The following MPP7 variants were observed in gnomAD, a reference collection of about 807,000 sequenced individuals.
MPP7 encodes MAGUK p55 scaffold protein 7, also known as MAGUK p55 subfamily member 7.
A neutral mutation model predicts 76.5 loss-of-function variants in MPP7; 60 were observed. The ratio of observed to expected loss-of-function variants is 0.78; its 90% confidence interval spans 0.64 to 0.97. The LOEUF (loss-of-function observed/expected upper bound fraction) is 0.97. Ranked by LOEUF, MPP7 falls within the 50% of genes least tolerant of loss-of-function variation. MPP7 has a pLI of 0.00. For missense variants in MPP7, 641 were observed against 694.0 expected, an observed-to-expected ratio of 0.92 and a Z score of 0.86; for synonymous variants, 237 against 244.5, an observed-to-expected ratio of 0.97 and a Z score of 0.29.
intron 3 of MPP7, among the ~76,000 whole-genome samples, chr10:28,159,017 CT>C (rs966417153): frequency 6.6e-6 from 1 of 152,164 alleles, no homozygotes; most frequent in African/African-American, 2.4e-5. Context: ...TCCCCTACCC[CT>C]GGCTGACACT....
In MPP7 at chr10:28,091,582, C is replaced by T. The variant is rs911268055; in HGVS notation, c.953-1741G>A. Among the ~76,000 whole-genome samples, 25 of 152,272 alleles carry T rather than the reference C, an allele frequency of 1.6e-4. No individual in the cohort carries two copies. In the East Asian group the frequency reaches 2.7e-3, roughly 16 times the overall value. On this transcript the variant is annotated intron_variant, in intron 11 of 16. Coordinates refer to ENST00000683449, the MANE Select transcript of MPP7 (RefSeq NM_001318170.2). ...GGATTACAGGCGTGAGCCACCATGA[C>T]CAGCCATAGATATCTTTTTTATAAA...
At position 28,217,425 on chromosome 10, in the gene MPP7, G is replaced by A. The variant is rs768641945; in HGVS notation, c.38-15154C>T. 1.1e-3 allele frequency among the ~76,000 whole-genome samples: 161 copies of A among 151,614 alleles called. 1 individual carries two copies. The highest frequency in any genetic ancestry group is 6.5e-4 in the Non-Finnish European group (44 of 67,928). On this transcript the variant is annotated intron_variant, in intron 2 of 16. Transcript: ENST00000683449. Reference sequence around the variant, plus strand: ...GTCTGTAATCCCAGCTACTCAGGAGGCTGAGGCACGAGAATCGCTTGAACC... The same window carrying A: ...GTCTGTAATCCCAGCTACTCAGGAGACTGAGGCACGAGAATCGCTTGAACC...
chr10:28,177,260 C>CAAAAAAAAAAA (rs57984876), intron 3 of MPP7, among the ~76,000 whole-genome samples: 5 of 104,156 alleles, frequency 4.8e-5, no homozygotes, highest in Admixed American at 3.2e-4. Flanking sequence ...ACTAAAAATG[C>CAAAAAAAAAAA]AAAAAAAAAA....
chr10:28,169,875 T>A (rs1836620896), intron 3 of MPP7, among the ~76,000 whole-genome samples: 1 of 152,210 alleles, frequency 6.6e-6, no homozygotes, highest in African/African-American at 2.4e-5. Context: ...CACCTGTGAA[T>A]GACAGTTTTG....
chr10:28,058,818 T>G (rs1473479462), intron 14 of MPP7, among the ~76,000 whole-genome samples: 1 of 152,206 alleles, frequency 6.6e-6, no homozygotes, highest in East Asian at 1.9e-4. Flanking sequence ...TAAATTACAC[T>G]TAAGCAGAAA....
At chr10:28,231,683 G>C (rs915757612) in intron 2 of MPP7, among the ~76,000 whole-genome samples, 2 of 152,030 alleles carry the variant, frequency 1.3e-5, no homozygotes, top group African/African-American at 4.8e-5. Flanking sequence ...ATTGACTCAA[G>C]AAGAAACAGA....
Position 28,202,267 on chromosome 10 carries a change from C to T in MPP7, c.42G>A (p.Leu14=). 1 of 1,605,514 alleles carries T rather than the reference C, an allele frequency of 6.2e-7. No individual in the cohort carries two copies. Among genetic ancestry groups the T allele is most frequent in the Non-Finnish European group, 8.5e-7 (1 of 1,173,610 alleles). ...LSTGSGSDTG[L]YELLAALPAQ... is the part of the protein sequence containing the mutation. ...CTGGCAGAGCAGCCAACAGCTCATA[C>T]AGACCTATAAAATGAAAATAAAACA... The change falls in exon 3 of 17, where the codon CTG becomes CTA. Residue 14 remains leucine (L), a synonymous_variant. Transcript: ENST00000683449.
rs1014676481 is a variant in MPP7, at chr10:28,051,995, C to T, written c.*2070G>A. 3 of 148,218 alleles carry T rather than the reference C, an allele frequency of 2.0e-5. No homozygotes were observed. Among genetic ancestry groups the T allele is most frequent in the Admixed American group, 2.0e-4 (3 of 14,934 alleles). The allele number at this position is 148,218 out of a possible 1,614,324, so 9.2% of individuals were successfully genotyped here. On this transcript the variant is annotated 3_prime_UTR_variant, in exon 17 of 17. Coordinates refer to ENST00000683449, the MANE Select transcript of MPP7 (RefSeq NM_001318170.2). ...CTAGCTCTGCGCTTAAGGTCTGGAC[C>T]TTTCTTTTTTAAAATGTTATATTTT...
Position 28,120,390 on chromosome 10 carries a change from T to C in MPP7, c.691A>G (p.Met231Val), listed in dbSNP as rs1466440047. The change falls in exon 10 of 17, where the codon ATG (methionine) becomes GTG (valine). Residue 231 changes from methionine (M) to valine (V), a missense_variant and splice_region_variant. Physicochemically the swap from Met to Val is conservative, Grantham distance 21. Coordinates refer to ENST00000683449, the MANE Select transcript of MPP7 (RefSeq NM_001318170.2). The stretch of plus-strand genomic sequence containing the variant: ...TAGTCAAAGAGGGCTTTGATAAACA[T>C]CTGGAAGAAAAGTTTCATTAAAGAT... Reference protein sequence around the residue: ...KEETPSKEGKMFIKALFDYNP... With the variant: ...KEETPSKEGKVFIKALFDYNP... The C allele has an allele frequency of 7.5e-6, 12 of 1,605,696 alleles. No individual in the cohort carries two copies. In the Admixed American group the frequency reaches 1.9e-4, roughly 25 times the overall value.
intron 11 of MPP7, among the ~76,000 whole-genome samples, chr10:28,103,505 CT>C (rs1853932208): frequency 6.6e-6 from 1 of 152,148 alleles, no homozygotes; most frequent in African/African-American, 2.4e-5. Context: ...TCAAGGAGGC[CT>C]TCTTTGACCA....
intron 3 of MPP7, among the ~76,000 whole-genome samples, chr10:28,184,112 GAC>G (rs1837146909): frequency 6.7e-6 from 1 of 149,308 alleles, no homozygotes; most frequent in Non-Finnish European, 1.5e-5. Context: ...TATATATAAA[GAC>G]AATATATTAA....
At chr10:28,126,836 A>T (rs949713715) in intron 6 of MPP7, among the ~76,000 whole-genome samples, 1 of 152,232 alleles carries the variant, frequency 6.6e-6, no homozygotes, top group African/African-American at 2.4e-5. Context: ...ACTGCCATGT[A>T]AGAAATCATG....
Position 28,125,051 on chromosome 10 carries a change from A to G in MPP7, c.488T>C (p.Ile163Thr), listed in dbSNP as rs775219170. 1.4e-5 allele frequency: 22 copies of G among 1,613,952 alleles called. No individual in the cohort carries two copies. Among genetic ancestry groups the G allele is most frequent in the Admixed American group, 3.3e-5 (2 of 59,982 alleles). Residue 163 changes from isoleucine (I) to threonine (T), a missense_variant, in exon 7 of 17, where the codon ATT (isoleucine) becomes ACT (threonine). By Grantham distance (89) the Ile-to-Thr change is moderately conservative. Transcript: ENST00000683449. ...IKKDEQTGAI[I>T]VARIMRGGAA... ...TCCTCCTCTCATGATTCTGGCCACA[A>G]TGATCGCCCCGGTCTGTTCATCCTT...
chr10:28,093,443 CTT>C (rs1294264349), intron 11 of MPP7, among the ~76,000 whole-genome samples: 7 of 138,576 alleles, frequency 5.1e-5, no homozygotes, highest in South Asian at 4.6e-4. Flanking sequence ...TTTTACTTTC[CTT>C]TTTTTTTTTT....
intron 13 of MPP7, among the ~76,000 whole-genome samples, chr10:28,060,814 T>C (rs1851752299): frequency 6.6e-6 from 1 of 152,174 alleles, no homozygotes; most frequent in African/African-American, 2.4e-5. Context: ...ACACATGTAG[T>C]TCAAACTCAA....
intron 5 of MPP7, among the ~76,000 whole-genome samples, chr10:28,136,600 T>G (rs1835361835): frequency 6.6e-6 from 1 of 152,156 alleles, no homozygotes; most frequent in African/African-American, 2.4e-5. Flanking sequence ...AAAGTTATTA[T>G]TTAACTGTAT....
At chr10:28,062,907 G>A (rs762030193) in intron 13 of MPP7, among the ~76,000 whole-genome samples, 1 of 152,074 alleles carries the variant, frequency 6.6e-6, no homozygotes, top group Non-Finnish European at 1.5e-5. Context: ...AAGAAAACAG[G>A]AGAATGTCTT....
At chr10:28,217,866 C>T (rs946246388) in intron 2 of MPP7, among the ~76,000 whole-genome samples, 2 of 152,266 alleles carry the variant, frequency 1.3e-5, no homozygotes, top group South Asian at 4.1e-4. Context: ...CAAGCATACA[C>T]CAGCTGGACT....
intron 1 of MPP7, among the ~76,000 whole-genome samples, chr10:28,264,697 T>C (rs1840089777): frequency 6.6e-6 from 1 of 151,632 alleles, no homozygotes; most frequent in African/African-American, 2.4e-5. Context: ...CATATGGAAG[T>C]GGGAAGCACA....
Sources: gnomAD v4.1 joint callset for allele counts (sites outside exome capture counted in the v4.1 genomes callset) on GRCh38, gnomAD v4.1.1 for gene constraint, MANE v1.5 for transcripts, NCBI Gene and HGNC (gene_info 2026-07-23, HGNC 2026-07-21) for gene names.